Variants in TJP2 observed in about 807,000 individuals in gnomAD.
TJP2 encodes Friedreich ataxia region gene X104 (tight junction protein ZO-2).
A neutral mutation model predicts 133.1 loss-of-function variants in TJP2; 91 were observed. The observed-to-expected ratio is 0.68, with a 90% CI of 0.58 to 0.81. TJP2 has a LOEUF of 0.81. Ranked by LOEUF, TJP2 falls within the 40% of genes least tolerant of loss-of-function variation. The pLI is 0.00. For synonymous variants in TJP2, 592 were observed against 583.4 expected (o/e 1.01, Z -0.21); for missense variants, 1,541 against 1,565.6 (o/e 0.98, Z 0.26).
At chr9:69,210,801 C>T (rs1367672538) in intron 1 of TJP2, among the ~76,000 whole-genome samples, 4 of 141,808 alleles carry the variant, frequency 2.8e-5, no homozygotes, top group African/African-American at 5.3e-5. Context: ...CTATGTTGCT[C>T]AGGTTGGTCG....
intron 2 of TJP2, among the ~76,000 whole-genome samples, chr9:69,162,202 TATA>T (rs1824116220): frequency 6.7e-6 from 1 of 148,422 alleles, no homozygotes; most frequent in Non-Finnish European, 1.5e-5. Flanking sequence ...ATATATTATA[TATA>T]AAATACAATT....
chr9:69,175,881 A>G (rs923414438), intron 1 of TJP2, among the ~76,000 whole-genome samples: 1 of 152,150 alleles, frequency 6.6e-6, no homozygotes, highest in Non-Finnish European at 1.5e-5. Context: ...ATGAAGGGGA[A>G]CTTTCCCCTC....
At chr9:69,241,831 C>G (rs1172625963) in intron 17 of TJP2, among the ~76,000 whole-genome samples, 3 of 152,166 alleles carry the variant, frequency 2.0e-5, no homozygotes, top group Non-Finnish European at 4.4e-5. Flanking sequence ...TATAGCGTCC[C>G]TAACTGTCCA....
At chr9:69,232,064 T>C (rs1184676698) in intron 11 of TJP2, among the ~76,000 whole-genome samples, 2 of 152,176 alleles carry the variant, frequency 1.3e-5, no homozygotes, top group Non-Finnish European at 2.9e-5. Context: ...TGTAAGTTGT[T>C]GTTAGATGGG....
At position 69,123,202 on chromosome 9, in the gene TJP2, A is replaced by G. The variant is rs1564363186; in HGVS notation, c.-131+1477A>G. ...TATTTGAATCTTTGTTTTGCCCACC[A>G]GGACACTCTACAGCCGCATGGGTTA... On this transcript the variant is annotated intron_variant, in intron 1 of 5. Coordinates refer to the TJP2 transcript ENST00000423935. Among the ~76,000 whole-genome samples the G allele has an allele frequency of 2.5e-5, 2 of 80,182 alleles. 1 individual carries two copies. The highest frequency in any genetic ancestry group is 7.5e-5 in the African/African-American group (2 of 26,530). The allele number at this position is 80,182 out of a possible 152,430, so 52.6% of individuals were successfully genotyped here.
At chr9:69,164,795 T>C (rs1246109604) in intron 2 of TJP2, among the ~76,000 whole-genome samples, 1 of 152,146 alleles carries the variant, frequency 6.6e-6, no homozygotes, top group Non-Finnish European at 1.5e-5. Context: ...AGCCGGGAAG[T>C]GAATGGGCTT....
chr9:69,214,330 C>G (rs930125602), intron 2 of TJP2, among the ~76,000 whole-genome samples: 1 of 152,158 alleles, frequency 6.6e-6, no homozygotes, highest in South Asian at 2.1e-4. Context: ...AAGCAATTCA[C>G]CCGCCTTGGC....
chr9:69,203,617 T>TC (rs1250544992), intron 1 of TJP2, among the ~76,000 whole-genome samples: 1 of 134,232 alleles, frequency 7.4e-6, no homozygotes, highest in African/African-American at 2.8e-5. Context: ...ATTTTTTTTT[T>TC]TTTTTTTTTT....
Position 69,127,812 on chromosome 9 carries a change from T to G in TJP2, c.-131+6087T>G, listed in dbSNP as rs113858292. Among the ~76,000 whole-genome samples, 244 of 76,754 alleles carry G rather than the reference T, an allele frequency of 3.2e-3. 87 individuals carry two copies. Among genetic ancestry groups the G allele is most frequent in the African/African-American group, 9.4e-3 (237 of 25,142 alleles). 50.4% of individuals were successfully genotyped at this position (76,754 alleles called of 152,430 possible). ...TTTATCTATGGGAGCCGTGGTTTAC[T>G]CCAGTAATCCCACTCCTTTGGGGGA... On this transcript the variant is annotated intron_variant, in intron 1 of 5. Transcript: ENST00000423935.
chr9:69,234,552 G>A lies in TJP2; in HGVS notation c.1780+5G>A. Reference sequence around the variant, plus strand: ...TAGCTCAGAGCCGAGCCGATGGTGAGCAAATTTGGTCATTTAGTTTAGTTG... The same window carrying A: ...TAGCTCAGAGCCGAGCCGATGGTGAACAAATTTGGTCATTTAGTTTAGTTG... On this transcript the variant is annotated splice_donor_5th_base_variant and intron_variant, in intron 12 of 22. Transcript: ENST00000377245. The A allele has an allele frequency of 1.1e-6, 1 of 925,890 alleles. No individual in the cohort carries two copies. The highest frequency in any genetic ancestry group is 1.6e-6 in the Non-Finnish European group (1 of 641,216). The allele number at this position is 925,890 out of a possible 1,614,324, so 57.4% of individuals were successfully genotyped here.
upstream of TJP2, among the ~76,000 whole-genome samples, chr9:69,170,396 T>G (rs1415222664): frequency 1.6e-4 from 25 of 152,246 alleles, no homozygotes; most frequent in Non-Finnish European, 4.4e-5. Context: ...TTCTCCTTGT[T>G]GTATAGACTT....
At chr9:69,201,896 G>A (rs1419106118) in intron 1 of TJP2, among the ~76,000 whole-genome samples, 3 of 152,162 alleles carry the variant, frequency 2.0e-5, no homozygotes, top group African/African-American at 7.2e-5. Flanking sequence ...CTTATATGAT[G>A]TGTCTAATGT....
intron 1 of TJP2, among the ~76,000 whole-genome samples, chr9:69,142,697 A>G (rs1359462039): frequency 3.3e-5 from 5 of 152,238 alleles, no homozygotes; most frequent in Admixed American, 2.6e-4. Flanking sequence ...GTCTTTCTCC[A>G]GAAGAAATAA....
At chr9:69,147,133 G>C (rs1332783434) in intron 1 of TJP2, among the ~76,000 whole-genome samples, 2 of 152,204 alleles carry the variant, frequency 1.3e-5, no homozygotes, top group African/African-American at 4.8e-5. Context: ...CAGGGCTGTG[G>C]AAAACATTGT....
chr9:69,253,922 A>G, intron 22 of TJP2: 1 of 467,632 alleles, frequency 2.1e-6, no homozygotes, highest in South Asian at 2.1e-5. Flanking sequence ...GGGTGAGACT[A>G]GCCAGGGAGC....
At chr9:69,147,631 A>AT (rs1223281329) in intron 1 of TJP2, among the ~76,000 whole-genome samples, 1 of 152,200 alleles carries the variant, frequency 6.6e-6, no homozygotes, top group Non-Finnish European at 1.5e-5. Context: ...TGATTGCTAG[A>AT]TTATTAATTT....
intron 1 of TJP2, among the ~76,000 whole-genome samples, chr9:69,181,240 CTTTTTTTT>C (rs149100552): frequency 1.1e-4 from 8 of 73,186 alleles, no homozygotes; most frequent in African/African-American, 3.9e-4. Flanking sequence ...TTTGCAATTT[CTTTTTTTT>C]TTTTTTTTTT....
At chr9:69,192,508 C>G (rs915559281) in intron 1 of TJP2, among the ~76,000 whole-genome samples, 1 of 152,112 alleles carries the variant, frequency 6.6e-6, no homozygotes, top group African/African-American at 2.4e-5. Context: ...AAGCAAAAGC[C>G]TAATTCATCT....
Position 69,249,505 on chromosome 9 carries a change from A to T in TJP2, c.2991+20A>T, listed in dbSNP as rs773578707. On this transcript the variant is annotated intron_variant, in intron 20 of 22. Coordinates refer to ENST00000377245, the MANE Select transcript of TJP2 (RefSeq NM_004817.4). ...CCCAAGGTACGTGGCTGGGAAGCCC[A>T]GGATGGGAAGGAAGAGGAAGCAGAT... is the stretch of plus-strand genomic sequence containing the variant. 9 of 1,583,972 alleles carry T rather than the reference A, an allele frequency of 5.7e-6. No individual in the cohort carries two copies. The highest frequency in any genetic ancestry group is 1.7e-4 in the Middle Eastern group (1 of 5,928).
Sources: gnomAD v4.1 joint callset for allele counts (sites outside exome capture counted in the v4.1 genomes callset) on GRCh38, gnomAD v4.1.1 for gene constraint, MANE v1.5 for transcripts, NCBI Gene and HGNC (gene_info 2026-07-23, HGNC 2026-07-21) for gene names.